Variants in TP53BP1 observed in about 807,000 individuals in gnomAD.
TP53BP1 encodes tumor protein p53 binding protein 1, also known as TP53-binding protein 1.
A neutral mutation model predicts 200.8 loss-of-function variants in TP53BP1; 61 were observed. The ratio of observed to expected loss-of-function variants is 0.30; its 90% confidence interval spans 0.25 to 0.38. The LOEUF (loss-of-function observed/expected upper bound fraction) is 0.38, where lower values mean the gene tolerates loss of function less well. TP53BP1 is among the 10% of genes least tolerant of loss of function. TP53BP1 has a pLI of 1.00. For missense variants in TP53BP1, 2,144 were observed against 2,371.9 expected (o/e 0.90, Z 2.00); for synonymous variants, 822 against 844.3 (o/e 0.97, Z 0.46).
In TP53BP1 at chr15:43,464,741, T is replaced by TA. The variant is rs1187318833; in HGVS notation, c.1389+5116dup. On this transcript the variant is annotated intron_variant, in intron 11 of 27. Coordinates refer to ENST00000382044, the MANE Select transcript of TP53BP1 (RefSeq NM_001141980.3). The stretch of plus-strand genomic sequence containing the variant: ...CAACATGGAGAAACCCCGTCTCTAC[T>TA]AAAAAAAAAATACAAAATTTGCCAG... Among the ~76,000 whole-genome samples the TA allele has an allele frequency of 5.0e-3, 728 of 146,958 alleles. 8 individuals carry two copies. Among genetic ancestry groups the TA allele is most frequent in the African/African-American group, 0.017 (697 of 40,116 alleles).
In TP53BP1 at chr15:43,407,222, AC is replaced by A. The variant is rs2044930464; in HGVS notation, c.*160del. 1.6e-6 allele frequency: 1 copy of A among 645,066 alleles called. No individual in the cohort carries two copies. Among genetic ancestry groups the A allele is most frequent in the Non-Finnish European group, 2.6e-6 (1 of 382,066 alleles). The allele number at this position is 645,066 out of a possible 1,614,324, so 40.0% of individuals were successfully genotyped here. On this transcript the variant is annotated 3_prime_UTR_variant, in exon 28 of 28. Transcript: ENST00000382044. ...AGATGAAGAAATCCCAGTTACTACAACCAAAGAGATTCAACATTTATTTTAT... is the reference window on the plus strand; with the variant it reads ...AGATGAAGAAATCCCAGTTACTACAACAAAGAGATTCAACATTTATTTTAT...
In TP53BP1 at chr15:43,406,456, T is replaced by C. The variant is rs977855577; in HGVS notation, c.*927A>G. ...CAAACTATGGCCTGCTGTCTGTTTT[T>C]GTACAGTTTTACTGAAACACAGCCA... On this transcript the variant is annotated 3_prime_UTR_variant, in exon 28 of 28. Transcript: ENST00000382044. 2 of 363,158 alleles carry C rather than the reference T, an allele frequency of 5.5e-6. No homozygotes were observed. The highest frequency in any genetic ancestry group is 4.3e-5 in the African/African-American group (2 of 47,034). 22.5% of individuals were successfully genotyped at this position (363,158 alleles called of 1,614,324 possible).
chr15:43,417,620 A>C (rs2045298140), intron 21 of TP53BP1, among the ~76,000 whole-genome samples: 1 of 152,250 alleles, frequency 6.6e-6, no homozygotes, highest in South Asian at 2.1e-4. Flanking sequence ...CTCTTGTTAC[A>C]GAACTCCGTC....
At chr15:43,445,801 G>T (rs2046029308) in intron 14 of TP53BP1, among the ~76,000 whole-genome samples, 1 of 152,002 alleles carries the variant, frequency 6.6e-6, no homozygotes, top group African/African-American at 2.4e-5. Flanking sequence ...TCACTTTCTG[G>T]TTAAAGACTG....
At chr15:43,507,270 G>A (rs2079242432) in intron 1 of TP53BP1, among the ~76,000 whole-genome samples, 1 of 152,132 alleles carries the variant, frequency 6.6e-6, no homozygotes. Context: ...GAGTAGCTGG[G>A]ATTACAGGCA....
chr15:43,496,623 T>C (rs976235519), upstream of TP53BP1, among the ~76,000 whole-genome samples: 1 of 130,994 alleles, frequency 7.6e-6, no homozygotes, highest in Non-Finnish European at 1.6e-5. Context: ...CATATATTCC[T>C]TTTTTTTTTT....
At chr15:43,502,008 T>C (rs918538932) in intron 1 of TP53BP1, among the ~76,000 whole-genome samples, 1 of 152,194 alleles carries the variant, frequency 6.6e-6, no homozygotes, top group Non-Finnish European at 1.5e-5. Context: ...TATAAGAAAC[T>C]GCCAAAAACA....
Position 43,405,282 on chromosome 15 carries a change from C to T in TP53BP1, c.*2101G>A. On this transcript the variant is annotated 3_prime_UTR_variant, in exon 28 of 28. Transcript: ENST00000382044. The stretch of plus-strand genomic sequence containing the variant: ...GGTTGTAACAGAAGATTCAAAACAT[C>T]CCATTCTAGCCACACACAAATAAAT... 6.5e-7 allele frequency: 1 copy of T among 1,538,976 alleles called. No homozygotes were observed. Among genetic ancestry groups the T allele is most frequent in the Non-Finnish European group, 9.0e-7 (1 of 1,112,608 alleles).
intron 7 of TP53BP1, among the ~76,000 whole-genome samples, chr15:43,479,032 G>A (rs1226117973): frequency 2.0e-5 from 3 of 152,152 alleles, no homozygotes; most frequent in Non-Finnish European, 4.4e-5. Context: ...GCAACATAGC[G>A]AGACTCCATT....
intron 1 of TP53BP1, among the ~76,000 whole-genome samples, chr15:43,507,675 A>G (rs16957793): frequency 0.011 from 1,719 of 151,938 alleles, 26 homozygotes; most frequent in African/African-American, 0.039. Context: ...GTCTTTGCTT[A>G]TAAAATTCTG....
At chr15:43,444,343 G>A (rs1423489888) in intron 14 of TP53BP1, among the ~76,000 whole-genome samples, 1 of 152,162 alleles carries the variant, frequency 6.6e-6, no homozygotes, top group African/African-American at 2.4e-5. Flanking sequence ...CTGGGTTTAA[G>A]CACACCTCCC....
chr15:43,470,908 C>T (rs754346344), intron 10 of TP53BP1, among the ~76,000 whole-genome samples: 19 of 152,204 alleles, frequency 1.2e-4, no homozygotes, highest in Non-Finnish European at 2.2e-4. Flanking sequence ...AACCTCAATA[C>T]CCAGCTTTGC....
rs1304009415 is a variant in TP53BP1 at position 43,403,088 on chromosome 15, C to T, written c.*4295G>A. 1 of 152,124 alleles carries T rather than the reference C, an allele frequency of 6.6e-6. No homozygotes were observed. Among genetic ancestry groups the T allele is most frequent in the Non-Finnish European group, 1.5e-5 (1 of 68,048 alleles). 9.4% of individuals were successfully genotyped at this position (152,124 alleles called of 1,614,324 possible). On this transcript the variant is annotated 3_prime_UTR_variant, in exon 28 of 28. Transcript: ENST00000382044. ...ATCATCATTAAATATTTATTGAGTG[C>T]TTACTGTATGCAAGGCACTGGGGAT...
intron 18 of TP53BP1, among the ~76,000 whole-genome samples, chr15:43,424,886 G>C: frequency 6.6e-6 from 1 of 152,224 alleles, no homozygotes; most frequent in East Asian, 1.9e-4. Context: ...AGAGGTGATT[G>C]AGTCATAAGG....
At chr15:43,504,355 T>TA (rs1936468984) in intron 1 of TP53BP1, among the ~76,000 whole-genome samples, 1 of 152,196 alleles carries the variant, frequency 6.6e-6, no homozygotes, top group Admixed American at 6.5e-5. Context: ...GGCATTGTGC[T>TA]AAGCATATTT....
Position 43,469,876 on chromosome 15 carries a change from G to C in TP53BP1, c.1371C>G (p.Ser457=). The C allele has an allele frequency of 1.9e-6, 3 of 1,613,420 alleles. No homozygotes were observed. Among genetic ancestry groups the C allele is most frequent in the East Asian group, 2.2e-5 (1 of 44,894 alleles). Reference sequence around the variant, plus strand: ...TACTCACATGAGAAAACTGAGGCTGGGATGGGATAGGAAGTGACCCAGGAG... The same window carrying C: ...TACTCACATGAGAAAACTGAGGCTGCGATGGGATAGGAAGTGACCCAGGAG... ...VFPPGSLPIP[S]QPQFSHDIFI... The change falls in exon 11 of 28, where the codon TCC becomes TCG. Residue 457 remains serine, a synonymous_variant. Transcript: ENST00000382044.
At chr15:43,465,744 A>T (rs1246562440) in intron 11 of TP53BP1, among the ~76,000 whole-genome samples, 2 of 152,180 alleles carry the variant, frequency 1.3e-5, no homozygotes, top group Non-Finnish European at 2.9e-5. Flanking sequence ...CAGTAAAGAA[A>T]AACCAGATCA....
At chr15:43,429,742 C>T (rs368440889) in intron 17 of TP53BP1, among the ~76,000 whole-genome samples, 28 of 152,170 alleles carry the variant, frequency 1.8e-4, no homozygotes, top group African/African-American at 6.8e-4. Flanking sequence ...AATACTTCTA[C>T]ATACTTCTAC....
At position 43,420,713 on chromosome 15, in the gene TP53BP1, A is replaced by G. The variant is rs576163952; in HGVS notation, c.4273T>C (p.Leu1425=). 5.0e-6 allele frequency: 8 copies of G among 1,613,954 alleles called. No individual in the cohort carries two copies. The East Asian group carries it at 1.6e-4, about 31-fold the overall frequency. The change falls in exon 21 of 28, where the codon TTG becomes CTG. Residue 1425 remains leucine, a synonymous_variant. Transcript: ENST00000382044. ...GTRETAVPGP[L]GIEDISPNLS... is the part of the protein sequence containing the mutation. ...TTAGGTGAAATGTCCTCTATGCCCA[A>G]GGGGCCAGGCACAGCTGTTTCTCTA...
Sources: allele counts gnomAD v4.1 joint callset (sites outside exome capture counted in the v4.1 genomes callset), GRCh38; gene constraint gnomAD v4.1.1; transcripts MANE v1.5; gene names NCBI Gene and HGNC (gene_info 2026-07-23, HGNC 2026-07-21).